The following SEMA5A variants were observed in gnomAD, a reference collection of about 807,000 sequenced individuals.
SEMA5A encodes the protein semaphorin-5A.
SEMA5A carries 55 observed loss-of-function variants against 135.5 expected under a neutral mutation model. That is an observed-to-expected ratio of 0.41 (90% CI 0.33 to 0.51). The LOEUF is 0.51. Among genes scored for constraint, SEMA5A ranks in the 20% least tolerant of loss-of-function variants. The pLI is 0.37. For synonymous variants in SEMA5A, 580 were observed against 546.5 expected (o/e 1.06, Z -0.85); for missense variants, 1,290 against 1,419.9 (o/e 0.91, Z 1.47).
At chr5:9,539,216 G>A (rs1266044997) in intron 1 of SEMA5A, among the ~76,000 whole-genome samples, 2 of 152,184 alleles carry the variant, frequency 1.3e-5, no homozygotes, top group East Asian at 1.9e-4. Context: ...CATGGTGTGT[G>A]GTCTTCAGTG....
chr5:9,184,088 T>C (rs1744673239), intron 11 of SEMA5A, among the ~76,000 whole-genome samples: 1 of 151,982 alleles, frequency 6.6e-6, no homozygotes, highest in African/African-American at 2.4e-5. Flanking sequence ...TTTGGTTTTC[T>C]ATTCCTTGAG....
intron 12 of SEMA5A, among the ~76,000 whole-genome samples, chr5:9,147,130 C>G (rs1742380289): frequency 6.6e-6 from 1 of 152,062 alleles, no homozygotes; most frequent in Admixed American, 6.5e-5. Flanking sequence ...AAAACTTTGA[C>G]CTTTAGAGCA....
intron 4 of SEMA5A, among the ~76,000 whole-genome samples, chr5:9,328,071 C>A (rs1752957050): frequency 6.6e-6 from 1 of 152,142 alleles, no homozygotes; most frequent in Non-Finnish European, 1.5e-5. Flanking sequence ...TTCTAATAAT[C>A]AAAGAATTAC....
At chr5:9,297,748 G>A (rs1429319571) in intron 5 of SEMA5A, among the ~76,000 whole-genome samples, 1 of 146,524 alleles carries the variant, frequency 6.8e-6, no homozygotes, top group African/African-American at 2.5e-5. Flanking sequence ...TTTTAGTAAA[G>A]ACAGGGTTTT....
intron 12 of SEMA5A, among the ~76,000 whole-genome samples, chr5:9,143,194 T>A (rs954567881): frequency 3.9e-5 from 6 of 152,188 alleles, no homozygotes; most frequent in Non-Finnish European, 5.9e-5. Context: ...TGGAGATGCA[T>A]ACAGTTGTTA....
chr5:9,131,668 T>C (rs979795991), intron 13 of SEMA5A, among the ~76,000 whole-genome samples: 10 of 122,538 alleles, frequency 8.2e-5, no homozygotes, highest in African/African-American at 3.0e-4. Flanking sequence ...ACCTGTCATG[T>C]GAGCAATAGA....
intron 16 of SEMA5A, among the ~76,000 whole-genome samples, chr5:9,068,363 G>T (rs1473380622): frequency 6.6e-6 from 1 of 152,158 alleles, no homozygotes; most frequent in African/African-American, 2.4e-5. Context: ...ACTCTTCAGA[G>T]ACCCCTGAGA....
chr5:9,359,718 G>C (rs1754607524), intron 3 of SEMA5A, among the ~76,000 whole-genome samples: 1 of 152,120 alleles, frequency 6.6e-6, no homozygotes, highest in African/African-American at 2.4e-5. Context: ...ATGTTGGCTT[G>C]TTAGGCAATT....
chr5:9,152,586 T>C (rs140778591), intron 12 of SEMA5A, among the ~76,000 whole-genome samples: 7,515 of 152,328 alleles, frequency 0.049, 201 homozygotes, highest in Middle Eastern at 0.12. Flanking sequence ...AAAGACTTCA[T>C]TTTCTAGAAT....
intron 12 of SEMA5A, among the ~76,000 whole-genome samples, chr5:9,154,093 A>ATATATGTGTGTG (rs372321939): frequency 4.1e-5 from 3 of 73,510 alleles, no homozygotes; most frequent in African/African-American, 1.7e-4. Flanking sequence ...ATATATATAT[A>ATATATGTGTGTG]TGTGTGTGTG....
rs564362029 is a variant in SEMA5A at position 9,335,659 on chromosome 5, A to G, written c.224+2054T>C. Among the ~76,000 whole-genome samples the G allele has an allele frequency of 2.8e-4, 43 of 152,282 alleles. No homozygotes were observed. The South Asian group carries it at 8.5e-3, about 30-fold the overall frequency. On this transcript the variant is annotated intron_variant, in intron 4 of 22. Coordinates refer to ENST00000382496, the MANE Select transcript of SEMA5A (RefSeq NM_003966.3). ...GGGTCTGTTCCCTTGACTCAGAGTG[A>G]AAGCTCATTTTCCCTCAGGGTGAGC...
chr5:9,418,490 G>T (rs756826328), intron 2 of SEMA5A, among the ~76,000 whole-genome samples: 5 of 152,156 alleles, frequency 3.3e-5, no homozygotes, highest in Non-Finnish European at 7.4e-5. Context: ...AAAGTTATTT[G>T]CCTCAGTAGC....
At chr5:9,246,700 A>G (rs910269308) in intron 5 of SEMA5A, among the ~76,000 whole-genome samples, 3 of 152,174 alleles carry the variant, frequency 2.0e-5, no homozygotes, top group Non-Finnish European at 4.4e-5. Context: ...GGACACCAAT[A>G]TGAATTCACA....
intron 1 of SEMA5A, among the ~76,000 whole-genome samples, chr5:9,474,867 G>A (rs1339851354): frequency 6.6e-6 from 1 of 152,146 alleles, no homozygotes. Context: ...GCCTTTTCCT[G>A]CCTCTGGGAC....
At chr5:9,502,506 A>G (rs1735648138) in intron 1 of SEMA5A, among the ~76,000 whole-genome samples, 1 of 152,186 alleles carries the variant, frequency 6.6e-6, no homozygotes, top group African/African-American at 2.4e-5. Flanking sequence ...GAGATAGCAG[A>G]GAGCTGGCCT....
chr5:9,060,891 A>T (rs1579321307), intron 18 of SEMA5A, among the ~76,000 whole-genome samples: 1 of 152,298 alleles, frequency 6.6e-6, no homozygotes, highest in Non-Finnish European at 1.5e-5. Context: ...GAACTCAGAA[A>T]GTTGTATCTA....
In SEMA5A at chr5:9,324,194, G is replaced by A. The variant is rs375082212; in HGVS notation, c.225-5777C>T. 3.3e-5 allele frequency among the ~76,000 whole-genome samples: 5 copies of A among 151,534 alleles called. No individual in the cohort carries two copies. In the South Asian group the frequency reaches 6.3e-4, roughly 19 times the overall value. On this transcript the variant is annotated intron_variant, in intron 4 of 22. Transcript: ENST00000382496. Reference sequence around the variant, plus strand: ...CGCCATTCTCCTGCCTCAGCCTCCCGAGTAGCTGGGACTACAGGCGCCCGC... The same window carrying A: ...CGCCATTCTCCTGCCTCAGCCTCCCAAGTAGCTGGGACTACAGGCGCCCGC...
chr5:9,347,011 G>T (rs1353142965), intron 3 of SEMA5A, among the ~76,000 whole-genome samples: 3 of 151,828 alleles, frequency 2.0e-5, no homozygotes. Flanking sequence ...CTCAAAAAAT[G>T]TCTACAGGAA....
intron 16 of SEMA5A, among the ~76,000 whole-genome samples, chr5:9,104,033 T>G (rs565543963): frequency 6.6e-6 from 1 of 152,202 alleles, no homozygotes; most frequent in Non-Finnish European, 1.5e-5. Flanking sequence ...TAAATAGGAG[T>G]AAAGTAAGGC....
Sources: gnomAD v4.1 joint callset for allele counts (sites outside exome capture counted in the v4.1 genomes callset) on GRCh38, gnomAD v4.1.1 for gene constraint, MANE v1.5 for transcripts, NCBI Gene and HGNC (gene_info 2026-07-23, HGNC 2026-07-21) for gene names.